Variants in PKIA observed in about 807,000 individuals in gnomAD.
The protein encoded by PKIA is PKI-alpha.
PKIA carries 4 observed loss-of-function variants against 7.6 expected under a neutral mutation model. The ratio of observed to expected loss-of-function variants is 0.52; its 90% CI spans 0.26 to 1.20. The LOEUF (loss-of-function observed/expected upper bound fraction) is 1.20. Ranked by LOEUF, PKIA falls within the 50% of genes most tolerant of loss-of-function variation. The pLI, the probability that PKIA is intolerant of heterozygous loss-of-function variation, is 0.13. For synonymous variants in PKIA, 21 were observed against 30.7 expected (o/e 0.68, Z 1.04); for missense variants, 73 against 86.2 (o/e 0.85, Z 0.61).
At chr8:78,594,598 C>T (rs1384789805) in intron 2 of PKIA, among the ~76,000 whole-genome samples, 1 of 152,076 alleles carries the variant, frequency 6.6e-6, no homozygotes, top group Non-Finnish European at 1.5e-5. Context: ...CTGTGTTTTA[C>T]AGGGACTAAA....
rs116951748 is a variant in PKIA at position 78,530,940 on chromosome 8, G to A, written c.-157+14472G>A. ...TGAAAACAGGTCACTTGTAAGATCT[G>A]CCTTAGTTTGTTAATGCTTCTGAAA... is the stretch of plus-strand genomic sequence containing the variant. On this transcript the variant is annotated intron_variant, in intron 1 of 3. Coordinates refer to ENST00000396418, the MANE Select transcript of PKIA (RefSeq NM_006823.4). 2.0e-5 allele frequency among the ~76,000 whole-genome samples: 3 copies of A among 152,136 alleles called. No individual in the cohort carries two copies. In the East Asian group the frequency reaches 5.8e-4, roughly 29 times the overall value.
chr8:78,577,558 C>T (rs1380439935), intron 2 of PKIA, among the ~76,000 whole-genome samples: 1 of 151,696 alleles, frequency 6.6e-6, no homozygotes, highest in South Asian at 2.1e-4. Flanking sequence ...TCAAAGTAAC[C>T]TAACATAACT....
intron 1 of PKIA, among the ~76,000 whole-genome samples, chr8:78,528,185 A>G (rs1806295005): frequency 6.6e-6 from 1 of 152,118 alleles, no homozygotes; most frequent in South Asian, 2.1e-4. Context: ...GTTCAAGTAC[A>G]GTAAGAGAAC....
intron 1 of PKIA, among the ~76,000 whole-genome samples, chr8:78,542,348 C>G (rs767459599): frequency 6.6e-6 from 1 of 152,090 alleles, no homozygotes; most frequent in Non-Finnish European, 1.5e-5. Context: ...TACAGTTCAC[C>G]AAGCTTTCTA....
intron 1 of PKIA, among the ~76,000 whole-genome samples, chr8:78,564,991 T>C (rs1392693746): frequency 1.3e-5 from 2 of 151,888 alleles, no homozygotes; most frequent in Admixed American, 6.6e-5. Context: ...GTATGGTTCT[T>C]TTTTATAATT....
intron 2 of PKIA, among the ~76,000 whole-genome samples, chr8:78,578,428 T>C (rs1021401558): frequency 2.0e-5 from 3 of 152,028 alleles, no homozygotes; most frequent in Non-Finnish European, 4.4e-5. Flanking sequence ...TGTACTTGTA[T>C]CTTAAATGAA....
intron 2 of PKIA, among the ~76,000 whole-genome samples, chr8:78,584,408 C>G (rs1807899573): frequency 6.6e-6 from 1 of 152,006 alleles, no homozygotes; most frequent in South Asian, 2.1e-4. Context: ...ACATCTGAAA[C>G]CTGTTTTATC....
intron 1 of PKIA, among the ~76,000 whole-genome samples, chr8:78,529,849 A>G (rs1806350733): frequency 6.6e-6 from 1 of 151,472 alleles, no homozygotes; most frequent in South Asian, 2.1e-4. Flanking sequence ...AAAGTCAATT[A>G]TCAATGGTTA....
intron 1 of PKIA, among the ~76,000 whole-genome samples, chr8:78,541,748 AG>A (rs1397828525): frequency 6.6e-6 from 1 of 151,862 alleles, no homozygotes; most frequent in Non-Finnish European, 1.5e-5. Context: ...CTAACAAAAC[AG>A]CCCTCTTTGT....
At chr8:78,596,896 A>G (rs535700653) in intron 2 of PKIA, among the ~76,000 whole-genome samples, 1 of 152,326 alleles carries the variant, frequency 6.6e-6, no homozygotes, top group African/African-American at 2.4e-5. Context: ...TTCAATCTAC[A>G]TGTGGCTAGC....
chr8:78,530,744 GT>G (rs1274217382), intron 1 of PKIA, among the ~76,000 whole-genome samples: 1 of 152,016 alleles, frequency 6.6e-6, no homozygotes, highest in African/African-American at 2.4e-5. Flanking sequence ...TAAGTAGTAA[GT>G]TTTGGTCCTT....
intron 1 of PKIA, among the ~76,000 whole-genome samples, chr8:78,560,289 A>G (rs1307400316): frequency 6.6e-6 from 1 of 152,234 alleles, no homozygotes; most frequent in Admixed American, 6.5e-5. Context: ...CTAAATTTAT[A>G]TAACACTTTC....
Position 78,531,654 on chromosome 8 carries a change from C to T in PKIA, c.-157+15186C>T, listed in dbSNP as rs557795527. On this transcript the variant is annotated intron_variant, in intron 1 of 3. Coordinates refer to ENST00000396418, the MANE Select transcript of PKIA (RefSeq NM_006823.4). Reference sequence around the variant, plus strand: ...CTGTAGTCACACAGCTAATAAAGCACACAGATAGGATTTAAACACCAGGTG... The same window carrying T: ...CTGTAGTCACACAGCTAATAAAGCATACAGATAGGATTTAAACACCAGGTG... Among the ~76,000 whole-genome samples, 4 of 152,154 alleles carry T rather than the reference C, an allele frequency of 2.6e-5. No individual in the cohort carries two copies. The South Asian group carries it at 8.3e-4, about 32-fold the overall frequency.
At chr8:78,534,039 CCA>C (rs1197577002) in intron 1 of PKIA, 3 of 152,088 alleles carry the variant, frequency 2.0e-5, no homozygotes, top group Non-Finnish European at 4.4e-5. Context: ...TCAAACCAAG[CCA>C]CAAACTCAAA....
chr8:78,580,192 G>T (rs1807772574), intron 2 of PKIA, among the ~76,000 whole-genome samples: 1 of 151,954 alleles, frequency 6.6e-6, no homozygotes, highest in Non-Finnish European at 1.5e-5. Flanking sequence ...GTCACATATT[G>T]CTATAAAATG....
At chr8:78,525,115 C>G (rs1005570537) in intron 1 of PKIA, among the ~76,000 whole-genome samples, 1 of 151,452 alleles carries the variant, frequency 6.6e-6, no homozygotes, top group Non-Finnish European at 1.5e-5. Context: ...ATATTTTAGT[C>G]TGGAATTTAT....
intron 2 of PKIA, among the ~76,000 whole-genome samples, chr8:78,594,895 G>A (rs905071125): frequency 1.3e-5 from 2 of 152,194 alleles, no homozygotes; most frequent in Non-Finnish European, 2.9e-5. Context: ...AGAGGAAGAT[G>A]CAGAGTCATC....
At chr8:78,594,648 G>C (rs1172740550) in intron 2 of PKIA, among the ~76,000 whole-genome samples, 2 of 152,186 alleles carry the variant, frequency 1.3e-5, no homozygotes, top group Non-Finnish European at 2.9e-5. Flanking sequence ...GACCTGGCAA[G>C]TGATTAGACA....
chr8:78,518,785 G>A (rs1303477092), intron 1 of PKIA, among the ~76,000 whole-genome samples: 4 of 152,218 alleles, frequency 2.6e-5, no homozygotes. Flanking sequence ...ATGGACTGGA[G>A]TTGGAGAAAT....
Sources: gnomAD v4.1 joint callset for allele counts (sites outside exome capture counted in the v4.1 genomes callset) on GRCh38, gnomAD v4.1.1 for gene constraint, MANE v1.5 for transcripts, NCBI Gene and HGNC (gene_info 2026-07-23, HGNC 2026-07-21) for gene names.